Variants in SCN2A observed in about 807,000 individuals in gnomAD.
The protein encoded by SCN2A is sodium channel protein type 2 subunit alpha.
In SCN2A, 20 loss-of-function variants were observed where a neutral mutation model predicts 188.7. The ratio of observed to expected loss-of-function variants is 0.11; its 90% CI spans 0.07 to 0.15. The LOEUF (loss-of-function observed/expected upper bound fraction) is 0.15, where lower values mean the gene tolerates loss of function less well. Among genes scored for constraint, SCN2A ranks in the 10% least tolerant of loss-of-function variants. The pLI, the probability that SCN2A is intolerant of heterozygous loss-of-function variation, is 1.00. For synonymous variants in SCN2A, 804 were observed against 833.1 expected (o/e 0.97, Z 0.60); for missense variants, 1,278 against 2,445.0 (o/e 0.52, Z 10.07).
At chr2:165,363,613 T>G (rs1261025390) in intron 17 of SCN2A, among the ~76,000 whole-genome samples, 4 of 152,150 alleles carry the variant, frequency 2.6e-5, no homozygotes, top group Non-Finnish European at 5.9e-5. Flanking sequence ...TCAGAAAGAT[T>G]CCAATTCAAA....
chr2:165,240,804 G>C (rs1693586567), intron 1 of SCN2A, among the ~76,000 whole-genome samples: 1 of 151,540 alleles, frequency 6.6e-6, no homozygotes, highest in Non-Finnish European at 1.5e-5. Flanking sequence ...AAGCTATGGG[G>C]AATGATTTTA....
intron 19 of SCN2A, among the ~76,000 whole-genome samples, chr2:165,367,920 C>G (rs572040342): frequency 4.0e-4 from 61 of 152,180 alleles, no homozygotes; most frequent in African/African-American, 1.4e-3. Flanking sequence ...TCCTTGAAGC[C>G]CTAGAGGAAG....
chr2:165,346,114 C>A (rs189179950), intron 16 of SCN2A, among the ~76,000 whole-genome samples: 1 of 152,184 alleles, frequency 6.6e-6, no homozygotes, highest in South Asian at 2.1e-4. Flanking sequence ...GTGGGTAACC[C>A]GACCTTTCTC....
chr2:165,297,218 G>T, intron 3 of SCN2A, 83 bp downstream of exon 3: 1 of 811,850 alleles, frequency 1.2e-6, no homozygotes, highest in Non-Finnish European at 2.2e-6. Context: ...AATATCTGTG[G>T]TTGGCAATGT....
At chr2:165,370,784 T>G (rs1700984161) in intron 20 of SCN2A, 1 of 159,880 alleles carries the variant, frequency 6.3e-6, no homozygotes, top group Non-Finnish European at 1.4e-5. Flanking sequence ...AATTGGCTAT[T>G]GACCAAGTAG....
rs150063549 is a variant in SCN2A at position 165,381,370 on chromosome 2, G to A, written c.4551+173G>A. On this transcript the variant is annotated intron_variant, in intron 25 of 26. Transcript: ENST00000375437. ...AAAATGTACTTTACATATATAATAT[G>A]TATAAATTATATAATGCATAACATA... 3.2e-3 allele frequency among the ~76,000 whole-genome samples: 493 copies of A among 151,696 alleles called. 5 individuals are homozygous for A. The highest frequency in any genetic ancestry group is 0.011 in the African/African-American group (471 of 41,416).
Position 165,342,473 on chromosome 2 carries a change from A to C in SCN2A, c.2562+4A>C. On this transcript the variant is annotated splice_donor_region_variant and intron_variant, in intron 15 of 26. Transcript: ENST00000375437. ...AGTTCTCCGATCATTCCGGCTGGTA[A>C]ATTAACTGGGAGTGTTCATAAAATG... 6.2e-7 allele frequency: 1 copy of C among 1,613,970 alleles called. No homozygotes were observed.
At chr2:165,261,950 A>G (rs1057220015) in intron 1 of SCN2A, among the ~76,000 whole-genome samples, 3 of 152,192 alleles carry the variant, frequency 2.0e-5, no homozygotes, top group Non-Finnish European at 2.9e-5. Flanking sequence ...ATAATTACTG[A>G]AAAATGTCAC....
chr2:165,246,889 C>T (rs563461520), intron 1 of SCN2A, among the ~76,000 whole-genome samples: 2 of 152,214 alleles, frequency 1.3e-5, no homozygotes, highest in East Asian at 1.9e-4. Context: ...AGATTTCATA[C>T]CCTTTCTTTT....
intron 1 of SCN2A, among the ~76,000 whole-genome samples, chr2:165,276,486 A>T (rs1695349946): frequency 6.6e-6 from 1 of 152,202 alleles, no homozygotes; most frequent in Non-Finnish European, 1.5e-5. Context: ...AAATAGATTC[A>T]TTCTTGGTGC....
chr2:165,354,212 C>G lies in SCN2A; in HGVS notation c.2940C>G (p.Ala980=), dbSNP rs1574664203. 9.3e-6 allele frequency: 15 copies of G among 1,613,920 alleles called. No homozygotes were observed. The highest frequency in any genetic ancestry group is 1.3e-5 in the Non-Finnish European group (15 of 1,179,978). Residue 980 remains alanine, a synonymous_variant, in exon 17 of 27, where the codon GCC becomes GCG. Coordinates refer to ENST00000375437, the MANE Select transcript of SCN2A (RefSeq NM_001040142.2). ...TTCAGGTTCTGAACCTCTTCTTGGC[C>G]TTGCTTTTGAGTTCCTTCAGTTCTG... ...GNLVVLNLFL[A]LLLSSFSSDN...
At chr2:165,386,282 G>A (rs1458580678) in intron 25 of SCN2A, among the ~76,000 whole-genome samples, 5 of 151,844 alleles carry the variant, frequency 3.3e-5, no homozygotes, top group African/African-American at 7.3e-5. Flanking sequence ...TGACCAATAC[G>A]GTGAAATCCC....
rs925146972 is a variant in SCN2A, at chr2:165,332,959, G to T, written c.2388+1391G>T. Among the ~76,000 whole-genome samples, 3 of 151,960 alleles carry T rather than the reference G, an allele frequency of 2.0e-5. No homozygotes were observed. The East Asian group carries it at 5.8e-4, about 29-fold the overall frequency. On this transcript the variant is annotated intron_variant, in intron 14 of 26. Transcript: ENST00000375437. ...CTGGGCATTTTCCTACTATTGCCAA[G>T]ATTCTATCAACTTTTATTCTACTAA...
chr2:165,267,701 G>A (rs1694932942), intron 1 of SCN2A: 1 of 151,614 alleles, frequency 6.6e-6, no homozygotes, highest in South Asian at 2.1e-4. Context: ...GTTCAATAAG[G>A]GGTTAATGTC....
chr2:165,272,232 T>A (rs1240769939), intron 1 of SCN2A: 1 of 151,898 alleles, frequency 6.6e-6, no homozygotes, highest in African/African-American at 2.4e-5. Flanking sequence ...ATCAAAAAAG[T>A]AGATTTTAAG....
chr2:165,373,237 A>C lies in SCN2A; in HGVS notation c.3862A>C (p.Ser1288Arg). 6.2e-7 allele frequency: 1 copy of C among 1,613,406 alleles called. No individual in the cohort carries two copies. The highest frequency in any genetic ancestry group is 8.5e-7 in the Non-Finnish European group (1 of 1,179,430). ...TTTTTCTGTATAGGTCTCACTGGTT[A>C]GCTTAACTGCAAATGCCTTGGGTTA... ...DFLIVDVSLV[S>R]LTANALGYSE... Residue 1288 changes from serine to arginine, a missense_variant, in exon 21 of 27, where the codon AGC becomes CGC. This residue lies in a region of SCN2A where 39 missense variants were observed against 130.2 expected (regional missense o/e 0.30). Coordinates refer to ENST00000375437, the MANE Select transcript of SCN2A (RefSeq NM_001040142.2).
intron 23 of SCN2A, among the ~76,000 whole-genome samples, chr2:165,378,594 G>A (rs1701437533): frequency 6.6e-6 from 1 of 151,650 alleles, no homozygotes; most frequent in South Asian, 2.1e-4. Context: ...CGTTAAATGG[G>A]AAAACAAGTT....
At chr2:165,252,925 T>A (rs1038609054) in intron 1 of SCN2A, among the ~76,000 whole-genome samples, 2 of 151,974 alleles carry the variant, frequency 1.3e-5, no homozygotes, top group Non-Finnish European at 2.9e-5. Flanking sequence ...AAGTAGAAAA[T>A]CTTAACCAAA....
intron 1 of SCN2A, among the ~76,000 whole-genome samples, chr2:165,275,918 A>T (rs1416335073): frequency 6.6e-6 from 1 of 152,102 alleles, no homozygotes; most frequent in Non-Finnish European, 1.5e-5. Context: ...TATTTTTAGT[A>T]GAGACAGGTT....
Sources: gnomAD v4.1 joint callset for allele counts (sites outside exome capture counted in the v4.1 genomes callset) on GRCh38, gnomAD v4.1.1 for gene constraint, gnomAD v4.1.1 regional missense constraint, MANE v1.5 for transcripts, NCBI Gene and HGNC (gene_info 2026-07-23, HGNC 2026-07-21) for gene names.